The following VPS36 variants were observed in gnomAD, a reference collection of about 807,000 sequenced individuals.
VPS36 encodes the protein vacuolar protein sorting 36 homolog, also known as vacuolar protein-sorting-associated protein 36.
A neutral mutation model predicts 63.5 loss-of-function variants in VPS36; 31 were observed. That is an observed-to-expected ratio of 0.49 (90% confidence interval 0.37 to 0.66). The LOEUF is 0.66. Among genes scored for constraint, VPS36 ranks in the 30% least tolerant of loss-of-function variants. The pLI is 0.00. For synonymous variants in VPS36, 138 were observed against 157.2 expected, an observed-to-expected ratio of 0.88 and a Z score of 0.91; for missense variants, 338 against 463.7, an observed-to-expected ratio of 0.73 and a Z score of 2.49.
chr13:52,430,644 A>T (rs546253383), intron 6 of VPS36, among the ~76,000 whole-genome samples: 37 of 152,068 alleles, frequency 2.4e-4, no homozygotes, highest in Non-Finnish European at 4.3e-4. Flanking sequence ...AAAAAAAAAA[A>T]GTAAGTTATA....
intron 3 of VPS36, among the ~76,000 whole-genome samples, chr13:52,437,605 C>T (rs1270213281): frequency 6.6e-6 from 1 of 152,064 alleles, no homozygotes; most frequent in Admixed American, 6.6e-5. Flanking sequence ...TTTATCAAGT[C>T]ATCCAATTAC....
Position 52,425,916 on chromosome 13 carries a change from T to C in VPS36, c.774+16A>G. 6.3e-7 allele frequency: 1 copy of C among 1,597,302 alleles called. No homozygotes were observed. Among genetic ancestry groups the C allele is most frequent in the Non-Finnish European group, 8.5e-7 (1 of 1,174,618 alleles). On this transcript the variant is annotated intron_variant, in intron 9 of 13. Coordinates refer to ENST00000378060, the MANE Select transcript of VPS36 (RefSeq NM_016075.4). ...TTAACACAGTTTAAAAAAAAACACA[T>C]AGGTTTAGTTTTTACCTCTAAAGGC...
chr13:52,440,842 T>G (rs1958268909), intron 2 of VPS36, among the ~76,000 whole-genome samples: 1 of 152,216 alleles, frequency 6.6e-6, no homozygotes, highest in Non-Finnish European at 1.5e-5. Context: ...CAACCTTTTG[T>G]GTATCAGGGA....
chr13:52,430,270 GAAGA>G (rs1442489134), intron 6 of VPS36, among the ~76,000 whole-genome samples: 3 of 152,136 alleles, frequency 2.0e-5, no homozygotes, highest in Non-Finnish European at 4.4e-5. Flanking sequence ...CACAAATTGT[GAAGA>G]AAGGCAGTGA....
At chr13:52,426,155 T>G in intron 8 of VPS36, 89 bp from the exon 9 acceptor site, 1 of 1,490,878 alleles carries the variant, frequency 6.7e-7, no homozygotes, top group Non-Finnish European at 9.1e-7. Context: ...CACTCAATTA[T>G]GTCTACATAT....
chr13:52,415,599 C>A lies in VPS36; in HGVS notation c.*231G>T. 1 of 474,938 alleles carries A rather than the reference C, an allele frequency of 2.1e-6. No homozygotes were observed. The allele number at this position is 474,938 out of a possible 1,614,324, so 29.4% of individuals were successfully genotyped here. On this transcript the variant is annotated 3_prime_UTR_variant, in exon 14 of 14. Coordinates refer to ENST00000378060, the MANE Select transcript of VPS36 (RefSeq NM_016075.4). ...TCCAAGTTAAACTCTGAGGGTTCTG[C>A]ACTATAGCATGATTTTAAATTCATA...
intron 6 of VPS36, among the ~76,000 whole-genome samples, chr13:52,430,631 CAA>C (rs572367104): frequency 6.5e-5 from 8 of 123,534 alleles, no homozygotes; most frequent in Admixed American, 1.7e-4. Flanking sequence ...GACTCCATCT[CAA>C]AAAAAAAAAA....
intron 1 of VPS36, among the ~76,000 whole-genome samples, chr13:52,446,252 C>T (rs1958342244): frequency 6.9e-6 from 1 of 144,500 alleles, no homozygotes; most frequent in African/African-American, 2.6e-5. Flanking sequence ...AGCAACAGAG[C>T]GAGATTCCGT....
At chr13:52,424,474 T>C (rs1034399842) in intron 9 of VPS36, among the ~76,000 whole-genome samples, 3 of 152,144 alleles carry the variant, frequency 2.0e-5, no homozygotes, top group Non-Finnish European at 2.9e-5. Flanking sequence ...TAACAAACCT[T>C]TATTATAAAT....
intron 11 of VPS36, 57 bp from the exon 12 acceptor site, chr13:52,417,198 G>A: frequency 6.8e-7 from 1 of 1,461,442 alleles, no homozygotes; most frequent in South Asian, 1.2e-5. Context: ...TTCAACTGCT[G>A]AAAAGGAGGA....
chr13:52,431,734 G>C (rs1594118401), intron 6 of VPS36, among the ~76,000 whole-genome samples: 1 of 142,006 alleles, frequency 7.0e-6, no homozygotes, highest in African/African-American at 2.6e-5. Context: ...CTGCACTCCA[G>C]CCTAAGCGAC....
rs574871356 is a variant in VPS36, at chr13:52,448,727, A to G, written c.96+1772T>C. On this transcript the variant is annotated intron_variant, in intron 1 of 13. Coordinates refer to ENST00000378060, the MANE Select transcript of VPS36 (RefSeq NM_016075.4). Reference sequence around the variant, plus strand: ...ACACTGTTTTAAATCTATCACAGCTATACTGCCTGCCAGCAAAGGTGTTCC... The same window carrying G: ...ACACTGTTTTAAATCTATCACAGCTGTACTGCCTGCCAGCAAAGGTGTTCC... Among the ~76,000 whole-genome samples the G allele has an allele frequency of 4.2e-3, 646 of 152,362 alleles. 1 individual carries two copies. Among genetic ancestry groups the G allele is most frequent in the Middle Eastern group, 0.01 (3 of 294 alleles).
intron 9 of VPS36, among the ~76,000 whole-genome samples, chr13:52,424,454 A>T (rs116837136): frequency 0.016 from 2,471 of 152,268 alleles, 22 homozygotes; most frequent in African/African-American, 0.019. Context: ...ATAATAATTT[A>T]AAAAAACCCT....
chr13:52,449,737 T>TTTAC (rs10635831), intron 1 of VPS36, among the ~76,000 whole-genome samples: 2,634 of 152,312 alleles, frequency 0.017, 70 homozygotes, highest in Admixed American at 0.08. Context: ...CTACAAAATA[T>TTTAC]TTACTTACAC....
chr13:52,450,529 G>A lies in VPS36; in HGVS notation c.66C>T (p.Arg22=), dbSNP rs373301857. 14 of 1,595,120 alleles carry A rather than the reference G, an allele frequency of 8.8e-6. No individual in the cohort carries two copies. The highest frequency in any genetic ancestry group is 1.2e-5 in the Non-Finnish European group (14 of 1,171,142). Residue 22 remains arginine (R), a synonymous_variant, in exon 1 of 14, where the codon CGC becomes CGT. Coordinates refer to ENST00000378060, the MANE Select transcript of VPS36 (RefSeq NM_016075.4). ...CCTCGCCATCGTAGATTCGCACCCCGCGCTGCTGGATCACCAGGGTCTCGT... is the reference window on the plus strand; with the variant it reads ...CCTCGCCATCGTAGATTCGCACCCCACGCTGCTGGATCACCAGGGTCTCGT... ...EINETLVIQQ[R]GVRIYDGEEK...
rs1957988272 is a variant in VPS36, at chr13:52,415,907, T to C, written c.1084A>G (p.Lys362Glu). Residue 362 changes from lysine (K) to glutamate (E), a missense_variant, in exon 14 of 14, where the codon AAG (lysine) becomes GAG (glutamate). Transcript: ENST00000378060. ...TCATCACGGCAAAGATGGCCCATCT[T>C]CTCTGCAAGCAGCAACCTAAAAAAA... ...LAKERLLLAE[K>E]MGHLCRDDSV... 1 of 1,613,708 alleles carries C rather than the reference T, an allele frequency of 6.2e-7. No individual in the cohort carries two copies. Among genetic ancestry groups the C allele is most frequent in the Non-Finnish European group, 8.5e-7 (1 of 1,179,986 alleles).
chr13:52,435,058 G>A (rs1399407807), intron 4 of VPS36, among the ~76,000 whole-genome samples, 176 bp from the exon 5 acceptor site: 63 of 145,332 alleles, frequency 4.3e-4, no homozygotes, highest in Admixed American at 2.9e-4. Context: ...CACAACTTCC[G>A]CCTCCCCGAT....
intron 1 of VPS36, among the ~76,000 whole-genome samples, chr13:52,446,610 CT>C (rs573573476): frequency 1.4e-3 from 206 of 147,786 alleles, no homozygotes; most frequent in African/African-American, 3.9e-3. Context: ...TCTTAACCTG[CT>C]TTTTTTTTTA....
intron 3 of VPS36, among the ~76,000 whole-genome samples, chr13:52,437,304 T>A (rs974451950): frequency 1.3e-5 from 2 of 152,188 alleles, no homozygotes; most frequent in Non-Finnish European, 1.5e-5. Context: ...TTGTAAGGAC[T>A]CCTCCTATTC....
Sources: allele counts gnomAD v4.1 joint callset (sites outside exome capture counted in the v4.1 genomes callset), GRCh38; gene constraint gnomAD v4.1.1; transcripts MANE v1.5; gene names NCBI Gene and HGNC (gene_info 2026-07-23, HGNC 2026-07-21).